Variants in RPGRIP1 observed in about 807,000 individuals in gnomAD.
RPGRIP1 encodes the protein X-linked retinitis pigmentosa GTPase regulator-interacting protein 1.
Under a neutral mutation model 157.9 loss-of-function variants are expected in RPGRIP1, and 128 were observed. That is an observed-to-expected ratio of 0.81 (90% CI 0.70 to 0.94). The LOEUF (loss-of-function observed/expected upper bound fraction) is 0.94. Among genes scored for constraint, RPGRIP1 ranks in the 40% least tolerant of loss-of-function variants. The pLI, the probability that RPGRIP1 is intolerant of heterozygous loss-of-function variation, is 0.00. For missense variants in RPGRIP1, 1,486 were observed against 1,545.8 expected (o/e 0.96, Z 0.65); for synonymous variants, 554 against 571.6 (o/e 0.97, Z 0.44).
chr14:21,310,459 A>G (rs2139173134), intron 7 of RPGRIP1, 125 bp from the exon 8 acceptor site: 3 of 583,780 alleles, frequency 5.1e-6, no homozygotes, highest in South Asian at 5.3e-5. Context: ...GTAAACAAGT[A>G]CACAAATTGA....
intron 17 of RPGRIP1, 72 bp from the exon 18 acceptor site, chr14:21,327,551 A>T: frequency 8.1e-7 from 1 of 1,230,342 alleles, no homozygotes; most frequent in Non-Finnish European, 1.2e-6. Flanking sequence ...AAGGAAGTAG[A>T]TAAGGTGCTG....
chr14:21,282,255 T>C (rs186559829), intron 1 of RPGRIP1, among the ~76,000 whole-genome samples: 1 of 152,172 alleles, frequency 6.6e-6, no homozygotes, highest in South Asian at 2.1e-4. Context: ...TTTTTTTTTT[T>C]AAGACGGAGT....
chr14:21,284,218 A>G (rs533517409), intron 1 of RPGRIP1, among the ~76,000 whole-genome samples: 50 of 152,252 alleles, frequency 3.3e-4, no homozygotes, highest in South Asian at 1.2e-3. Context: ...TTTCTTCTTT[A>G]TATTTCTCTG....
At position 21,328,476 on chromosome 14, in the gene RPGRIP1, A is replaced by G; in HGVS notation, c.2948A>G (p.Lys983Arg). Residue 983 changes from lysine to arginine, a missense_variant, in exon 19 of 25, where the codon AAG (lysine) becomes AGG (arginine). Lys to Arg is a conservative substitution (Grantham distance 26). Coordinates refer to ENST00000400017, the MANE Select transcript of RPGRIP1 (RefSeq NM_020366.4). ...ATTGAAGCTGGCCAGTATCGATCTAAGAGAAAACCTCCTCATGGGGGAGAA... is the reference window on the plus strand; with the variant it reads ...ATTGAAGCTGGCCAGTATCGATCTAGGAGAAAACCTCCTCATGGGGGAGAA... ...VPIEAGQYRS[K>R]RKPPHGGERK... 6.2e-7 allele frequency: 1 copy of G among 1,613,866 alleles called. No individual in the cohort carries two copies. Among genetic ancestry groups the G allele is most frequent in the Non-Finnish European group, 8.5e-7 (1 of 1,179,844 alleles).
intron 5 of RPGRIP1, 60 bp from the exon 6 acceptor site, chr14:21,303,271 G>A: frequency 8.0e-7 from 1 of 1,249,846 alleles, no homozygotes; most frequent in Non-Finnish European, 1.1e-6. Flanking sequence ...TTTTATATGT[G>A]TAAGAACCCA....
chr14:21,337,630 C>T (rs539624615), intron 21 of RPGRIP1, among the ~76,000 whole-genome samples: 40 of 151,188 alleles, frequency 2.6e-4, no homozygotes, highest in Non-Finnish European at 4.9e-4. Flanking sequence ...TTAGTAGAGA[C>T]GGAGTTTCAC....
chr14:21,315,797 A>ATTT (rs1352601471), intron 10 of RPGRIP1, among the ~76,000 whole-genome samples: 33 of 144,012 alleles, frequency 2.3e-4, no homozygotes, highest in African/African-American at 7.8e-4. Flanking sequence ...TATTATTATT[A>ATTT]TTATTATTAT....
chr14:21,311,712 T>G (rs1473182507), intron 8 of RPGRIP1, 112 bp from the exon 9 acceptor site: 2 of 812,076 alleles, frequency 2.5e-6, no homozygotes, highest in Non-Finnish European at 3.8e-6. Flanking sequence ...AAGCTATTAA[T>G]CAAAGTCATT....
intron 9 of RPGRIP1, 145 bp from the exon 10 acceptor site, chr14:21,312,288 G>A (rs568103038): frequency 4.0e-5 from 25 of 630,280 alleles, no homozygotes; most frequent in Admixed American, 9.7e-5. Context: ...ATTGGTTCAA[G>A]TCTTTCTAGT....
At chr14:21,293,261 C>T (rs1009198562) in intron 2 of RPGRIP1, among the ~76,000 whole-genome samples, 1 of 152,156 alleles carries the variant, frequency 6.6e-6, no homozygotes, top group Non-Finnish European at 1.5e-5. Context: ...CCAGTTTCCT[C>T]TGCTTAGACC....
chr14:21,312,626 G>C, intron 10 of RPGRIP1, 120 bp downstream of exon 10: 1 of 581,356 alleles, frequency 1.7e-6, no homozygotes. Flanking sequence ...TTGTTAGTGA[G>C]AATATTAATC....
Position 21,333,786 on chromosome 14 carries a change from T to C in RPGRIP1, c.3239-819T>C, listed in dbSNP as rs1409382693. On this transcript the variant is annotated intron_variant, in intron 20 of 24. Transcript: ENST00000400017. ...ACATAGCATCACTCCTACCGTACTC[T>C]TTCAGTTGAGACAGTCCAAAAGATC... is the stretch of plus-strand genomic sequence containing the variant. Among the ~76,000 whole-genome samples, 5 of 152,236 alleles carry C rather than the reference T, an allele frequency of 3.3e-5. No individual in the cohort carries two copies. In the East Asian group the frequency reaches 9.6e-4, roughly 29 times the overall value.
At position 21,328,515 on chromosome 14, in the gene RPGRIP1, A is replaced by G. The variant is rs1254110768; in HGVS notation, c.2987A>G (p.Glu996Gly). The change falls in exon 19 of 25, where the codon GAG becomes GGG. Residue 996 changes from glutamate (E) to glycine (G), a missense_variant. Physicochemically the swap from Glu to Gly is moderately conservative, Grantham distance 98. Transcript: ENST00000400017. Reference sequence around the variant, plus strand: ...CATGGGGGAGAAAGAAAGGAGAAGGAGCACCAGGTTGTGAGCTACTCAAGA... The same window carrying G: ...CATGGGGGAGAAAGAAAGGAGAAGGGGCACCAGGTTGTGAGCTACTCAAGA... ...PPHGGERKEK[E>G]HQVVSYSRRK... 3 of 1,613,598 alleles carry G rather than the reference A, an allele frequency of 1.9e-6. No homozygotes were observed. The Admixed American group carries it at 5.0e-5, about 27-fold the overall frequency.
At chr14:21,343,312 G>A (rs1885210519) in intron 22 of RPGRIP1, 84 bp downstream of exon 22, 12 of 1,056,942 alleles carry the variant, frequency 1.1e-5, no homozygotes, top group Admixed American at 2.7e-5. Flanking sequence ...GATTTTTGTG[G>A]GGTGAATCCA....
At chr14:21,287,896 C>G in intron 1 of RPGRIP1, 43 bp from the exon 2 acceptor site, 1 of 874,032 alleles carries the variant, frequency 1.1e-6, no homozygotes. Flanking sequence ...CAGAAGACAT[C>G]CTAAAGTTGC....
intron 4 of RPGRIP1, among the ~76,000 whole-genome samples, chr14:21,301,880 AAAAC>A (rs995168553): frequency 4.0e-5 from 6 of 151,844 alleles, no homozygotes; most frequent in African/African-American, 1.5e-4. Context: ...TCTGCCTCAA[AAAAC>A]AAACAAAACA....
intron 6 of RPGRIP1, among the ~76,000 whole-genome samples, chr14:21,304,435 GAAAGA>G (rs1881208061): frequency 6.9e-6 from 1 of 144,836 alleles, no homozygotes; most frequent in Non-Finnish European, 1.5e-5. Context: ...AAGAAAGAAA[GAAAGA>G]AAGAAATTAA....
chr14:21,302,625 C>G (rs1010719651), intron 5 of RPGRIP1, 41 bp downstream of exon 5: 1 of 1,215,430 alleles, frequency 8.2e-7, no homozygotes, highest in Non-Finnish European at 1.2e-6. Context: ...ATTCCTGCCA[C>G]TTTAATTAGA....
intron 23 of RPGRIP1, among the ~76,000 whole-genome samples, chr14:21,346,672 T>C (rs1057399034): frequency 1.4e-4 from 21 of 152,222 alleles, no homozygotes; most frequent in African/African-American, 4.6e-4. Context: ...AGAAATAATA[T>C]GGGGCTGGTG....
Sources: gnomAD v4.1 joint callset for allele counts (sites outside exome capture counted in the v4.1 genomes callset) on GRCh38, gnomAD v4.1.1 for gene constraint, MANE v1.5 for transcripts, NCBI Gene and HGNC (gene_info 2026-07-23, HGNC 2026-07-21) for gene names.